NRXN1: variants seen among roughly 807,000 people sequenced by gnomAD.
The protein encoded by NRXN1 is neurexin 1, also known as neurexin-1.
NRXN1 carries 39 observed loss-of-function variants against 150.9 expected under a neutral mutation model. That is an observed-to-expected ratio of 0.26 (90% confidence interval 0.20 to 0.34). The LOEUF (loss-of-function observed/expected upper bound fraction) is 0.34, where lower values mean the gene tolerates loss of function less well. Among genes scored for constraint, NRXN1 ranks in the 10% least tolerant of loss-of-function variants. The probability of loss-of-function intolerance (pLI) is 1.00; values close to 1 mark genes in which losing one functional copy is unlikely to be tolerated. For missense variants in NRXN1, 1,815 were observed against 1,949.9 expected (o/e 0.93, Z 1.30); for synonymous variants, 924 against 757.0 (o/e 1.22, Z -3.62).
intron 17 of NRXN1, among the ~76,000 whole-genome samples, chr2:50,386,145 C>T (rs1474778705): frequency 2.0e-5 from 3 of 151,932 alleles, no homozygotes; most frequent in African/African-American, 7.2e-5. Context: ...TATATTTTAA[C>T]AAGTCATTCA....
chr2:50,411,390 C>T (rs1290097596), intron 17 of NRXN1, among the ~76,000 whole-genome samples: 1 of 152,098 alleles, frequency 6.6e-6, no homozygotes, highest in African/African-American at 2.4e-5. Flanking sequence ...CTCCACCTCC[C>T]AGCCGCCTGC....
intron 5 of NRXN1, among the ~76,000 whole-genome samples, chr2:50,739,774 G>A (rs1180036585): frequency 6.6e-6 from 1 of 152,122 alleles, no homozygotes; most frequent in African/African-American, 2.4e-5. Flanking sequence ...GTCCAATGGG[G>A]ATAATATGAA....
At chr2:50,792,607 T>C (rs527478027) in intron 5 of NRXN1, among the ~76,000 whole-genome samples, 1 of 152,018 alleles carries the variant, frequency 6.6e-6, no homozygotes, top group Non-Finnish European at 1.5e-5. Context: ...AAGCCTCAAA[T>C]AAGAAATTTC....
At chr2:50,596,812 A>G (rs1319608616) in intron 8 of NRXN1, among the ~76,000 whole-genome samples, 1 of 137,458 alleles carries the variant, frequency 7.3e-6, no homozygotes. Context: ...AATAAAATCT[A>G]TTTGGATTGC....
At chr2:50,686,223 G>C (rs1691212474) in intron 5 of NRXN1, among the ~76,000 whole-genome samples, 1 of 152,082 alleles carries the variant, frequency 6.6e-6, no homozygotes, top group African/African-American at 2.4e-5. Context: ...CTGGATGGCA[G>C]AGTGTTTTAT....
chr2:50,819,373 T>C (rs567085827), intron 5 of NRXN1, among the ~76,000 whole-genome samples: 1 of 152,304 alleles, frequency 6.6e-6, no homozygotes, highest in South Asian at 2.1e-4. Flanking sequence ...CATCTTGTTA[T>C]ATGCTACAAC....
chr2:50,630,252 T>C (rs962424438), intron 5 of NRXN1, among the ~76,000 whole-genome samples: 1 of 151,690 alleles, frequency 6.6e-6, no homozygotes, highest in African/African-American at 2.4e-5. Context: ...ACCACTTCAT[T>C]GGATGTTGTA....
chr2:49,980,666 A>T (rs1679847294), intron 21 of NRXN1, among the ~76,000 whole-genome samples: 1 of 152,144 alleles, frequency 6.6e-6, no homozygotes, highest in Non-Finnish European at 1.5e-5. Flanking sequence ...TAGCATTTAG[A>T]ATAGGATGAC....
chr2:50,567,758 C>T (rs1210810540), intron 8 of NRXN1, among the ~76,000 whole-genome samples: 1 of 152,088 alleles, frequency 6.6e-6, no homozygotes, highest in Non-Finnish European at 1.5e-5. Context: ...AAAATTAGAA[C>T]TAGAATGCAC....
chr2:50,915,858 AT>A (rs1226547936), intron 5 of NRXN1, among the ~76,000 whole-genome samples: 1 of 150,708 alleles, frequency 6.6e-6, no homozygotes, highest in Non-Finnish European at 1.5e-5. Flanking sequence ...GTAATTGAGT[AT>A]TTTTATTAAT....
chr2:50,627,637 C>CACACACAT (rs35480986), intron 5 of NRXN1, among the ~76,000 whole-genome samples: 2 of 151,298 alleles, frequency 1.3e-5, no homozygotes. Context: ...CACACACACA[C>CACACACAT]GAGAGATCCA....
chr2:50,086,083 C>A (rs1036725246), intron 19 of NRXN1, among the ~76,000 whole-genome samples: 1 of 152,092 alleles, frequency 6.6e-6, no homozygotes, highest in Admixed American at 6.5e-5. Context: ...AATAGAAGAA[C>A]GTTGAAGTTC....
chr2:50,844,183 T>C (rs2105942021), intron 5 of NRXN1, among the ~76,000 whole-genome samples: 2 of 152,180 alleles, frequency 1.3e-5, no homozygotes, highest in Middle Eastern at 6.8e-3. Context: ...TCACAACAGG[T>C]AATTTATCTC....
intron 8 of NRXN1, among the ~76,000 whole-genome samples, chr2:50,598,578 G>A (rs201001780): frequency 6.1e-5 from 8 of 131,804 alleles, no homozygotes; most frequent in African/African-American, 1.1e-4. Flanking sequence ...GTGTGTGTGT[G>A]TATATATATG....
At chr2:49,967,657 C>G (rs2152491305) in intron 21 of NRXN1, among the ~76,000 whole-genome samples, 1 of 152,150 alleles carries the variant, frequency 6.6e-6, no homozygotes, top group South Asian at 2.1e-4. Context: ...GTAGATGCAT[C>G]ATTTAGGGAT....
chr2:50,564,704 C>T (rs1212321708), intron 8 of NRXN1, among the ~76,000 whole-genome samples: 4 of 152,158 alleles, frequency 2.6e-5, no homozygotes, highest in Middle Eastern at 3.4e-3. Context: ...AACTGTTGTT[C>T]ATTTCTAACT....
intron 5 of NRXN1, among the ~76,000 whole-genome samples, chr2:50,624,133 G>A (rs1390690324): frequency 6.6e-6 from 1 of 152,008 alleles, no homozygotes; most frequent in East Asian, 1.9e-4. Flanking sequence ...GCAAAGACTT[G>A]GAACCAACCC....
intron 8 of NRXN1, chr2:50,554,413 G>C (rs1667939425): frequency 6.6e-6 from 1 of 152,114 alleles, no homozygotes; most frequent in Non-Finnish European, 1.5e-5. Flanking sequence ...ACATGCTCTG[G>C]TATTGGACTT....
rs1574136301 is a variant in NRXN1, at chr2:50,142,086, G to A, written c.3547-50592C>T. ...CGTCAACAGGTAAATGGATAAAGAA[G>A]TGGTGGTATATGTACACAGTGGAAT... On this transcript the variant is annotated intron_variant, in intron 18 of 22. Transcript: ENST00000401669. Among the ~76,000 whole-genome samples, 7 of 152,070 alleles carry A rather than the reference G, an allele frequency of 4.6e-5. 1 individual carries two copies. Among genetic ancestry groups the A allele is most frequent in the Admixed American group, 4.6e-4 (7 of 15,248 alleles).
Sources: allele counts gnomAD v4.1 joint callset (sites outside exome capture counted in the v4.1 genomes callset), GRCh38; gene constraint gnomAD v4.1.1; transcripts MANE v1.5; gene names NCBI Gene and HGNC (gene_info 2026-07-23, HGNC 2026-07-21).